Variants in PRDM5 observed in about 807,000 individuals in gnomAD.
The protein encoded by PRDM5 is PR domain zinc finger protein 5.
PRDM5 carries 56 observed loss-of-function variants against 81.2 expected under a neutral mutation model. The ratio of observed to expected loss-of-function variants is 0.69; its 90% CI spans 0.56 to 0.86. PRDM5 has a LOEUF of 0.86. PRDM5 is among the 40% of genes least tolerant of loss of function. The pLI, the probability that PRDM5 is intolerant of heterozygous loss-of-function variation, is 0.00. For missense variants in PRDM5, 697 were observed against 770.1 expected (o/e 0.91, Z 1.12); for synonymous variants, 267 against 256.4 (o/e 1.04, Z -0.39).
At chr4:120,723,692 T>C (rs1209197862) in intron 14 of PRDM5, among the ~76,000 whole-genome samples, 1 of 152,042 alleles carries the variant, frequency 6.6e-6, no homozygotes, top group Non-Finnish European at 1.5e-5. Flanking sequence ...AAAACATATA[T>C]ATACACACAC....
intron 15 of PRDM5, among the ~76,000 whole-genome samples, chr4:120,705,776 A>G (rs1339064208): frequency 6.6e-6 from 1 of 152,188 alleles, no homozygotes; most frequent in Non-Finnish European, 1.5e-5. Flanking sequence ...TCTGCATGAG[A>G]CTGTTGGGAG....
intron 14 of PRDM5, among the ~76,000 whole-genome samples, chr4:120,726,609 G>T (rs770041797): frequency 6.6e-6 from 1 of 152,110 alleles, no homozygotes; most frequent in Non-Finnish European, 1.5e-5. Flanking sequence ...AAGAAGATTC[G>T]ATTAACATAA....
At chr4:120,779,108 G>T (rs993672146) in intron 12 of PRDM5, among the ~76,000 whole-genome samples, 7 of 151,940 alleles carry the variant, frequency 4.6e-5, no homozygotes, top group Middle Eastern at 3.4e-3. Context: ...GACTGCCATT[G>T]GTTCCAAACT....
chr4:120,770,382 AG>A (rs892991302), intron 13 of PRDM5, among the ~76,000 whole-genome samples: 7 of 152,110 alleles, frequency 4.6e-5, no homozygotes, highest in African/African-American at 1.7e-4. Flanking sequence ...TTGGAAGAAT[AG>A]TACAGTGGAC....
chr4:120,766,178 T>A (rs1049481405), intron 13 of PRDM5, among the ~76,000 whole-genome samples: 3 of 152,166 alleles, frequency 2.0e-5, no homozygotes, highest in Non-Finnish European at 4.4e-5. Flanking sequence ...CAGACTGGTT[T>A]CGAACACCTG....
intron 15 of PRDM5, among the ~76,000 whole-genome samples, chr4:120,707,865 A>G (rs1268148310): frequency 1.3e-5 from 2 of 152,146 alleles, no homozygotes; most frequent in Non-Finnish European, 2.9e-5. Context: ...TTGAAGAAAC[A>G]TTTCTCCAGA....
chr4:120,761,594 T>A (rs1345092091), intron 13 of PRDM5, among the ~76,000 whole-genome samples: 1 of 152,190 alleles, frequency 6.6e-6, no homozygotes, highest in African/African-American at 2.4e-5. Context: ...TAGGATAACA[T>A]GAATCTTACT....
chr4:120,715,327 A>G (rs2149041689), intron 14 of PRDM5, among the ~76,000 whole-genome samples: 1 of 152,262 alleles, frequency 6.6e-6, no homozygotes, highest in South Asian at 2.1e-4. Flanking sequence ...TTTCCGGGAT[A>G]TGGAGTATCT....
intron 2 of PRDM5, among the ~76,000 whole-genome samples, chr4:120,890,239 T>G (rs1451083163): frequency 2.0e-5 from 3 of 152,140 alleles, no homozygotes; most frequent in Non-Finnish European, 2.9e-5. Context: ...GCACCTCACA[T>G]GGCCACAGCA....
chr4:120,813,183 AGTT>A (rs1177249805), intron 7 of PRDM5, among the ~76,000 whole-genome samples: 1 of 152,218 alleles, frequency 6.6e-6, no homozygotes, highest in Non-Finnish European at 1.5e-5. Flanking sequence ...CAAATTTCAC[AGTT>A]GTTATAGAAA....
At chr4:120,684,926 C>A (rs985554807) in exon 2 of PRDM5, 4 of 151,758 alleles carry the variant, frequency 2.6e-5, no homozygotes, top group Non-Finnish European at 5.9e-5. Flanking sequence ...TTACCTTTTT[C>A]TTCCCCCAAA....
At chr4:120,689,597 ATTC>A (rs1056513442), downstream of PRDM5, among the ~76,000 whole-genome samples, 1 of 147,894 alleles carries the variant, frequency 6.8e-6, no homozygotes, top group Non-Finnish European at 1.5e-5. Context: ...GATTTTCAAA[ATTC>A]TTTTTTTTTT....
At chr4:120,914,778 G>A (rs1247230162) in intron 1 of PRDM5, among the ~76,000 whole-genome samples, 2 of 152,032 alleles carry the variant, frequency 1.3e-5, no homozygotes, top group Non-Finnish European at 2.9e-5. Context: ...CCTATGAGTG[G>A]ATAAAAGAAA....
chr4:120,809,386 GT>G (rs1451165402), intron 8 of PRDM5, among the ~76,000 whole-genome samples: 2 of 150,692 alleles, frequency 1.3e-5, no homozygotes, highest in African/African-American at 4.9e-5. Flanking sequence ...AGAACTTAAA[GT>G]ATAATAAAAA....
At position 120,895,204 on chromosome 4, in the gene PRDM5, T is replaced by C. The variant is rs561967539; in HGVS notation, c.177+12270A>G. ...AGCAAAGCAAAGGGAGAAAATTTCT[T>C]CTTTCCCACAGTGCAGGTTGATGTG... On this transcript the variant is annotated intron_variant, in intron 2 of 15. Transcript: ENST00000264808. 3.9e-5 allele frequency among the ~76,000 whole-genome samples: 6 copies of C among 152,314 alleles called. No individual in the cohort carries two copies. The South Asian group carries it at 1.2e-3, about 32-fold the overall frequency.
chr4:120,889,490 T>C (rs1260776990), intron 2 of PRDM5, among the ~76,000 whole-genome samples: 2 of 152,154 alleles, frequency 1.3e-5, no homozygotes, highest in Non-Finnish European at 2.9e-5. Context: ...TTACATAAAT[T>C]ATAAAATCAA....
At chr4:120,813,134 T>C (rs1754067274) in intron 7 of PRDM5, 1 of 152,676 alleles carries the variant, frequency 6.5e-6, no homozygotes. Context: ...TCTGTCTTCT[T>C]ATGTAGTGAT....
chr4:120,921,540 A>G (rs1724913221), intron 1 of PRDM5, among the ~76,000 whole-genome samples: 1 of 152,158 alleles, frequency 6.6e-6, no homozygotes, highest in African/African-American at 2.4e-5. Flanking sequence ...TGCAGATGAA[A>G]GGCACCCTAG....
intron 1 of PRDM5, among the ~76,000 whole-genome samples, chr4:120,685,359 C>A (rs1733791458): frequency 6.7e-6 from 1 of 149,948 alleles, no homozygotes; most frequent in Non-Finnish European, 1.5e-5. Flanking sequence ...GATAAAATAT[C>A]TTCTTTTGAT....
Sources: allele counts gnomAD v4.1 joint callset (sites outside exome capture counted in the v4.1 genomes callset), GRCh38; gene constraint gnomAD v4.1.1; transcripts MANE v1.5; gene names NCBI Gene and HGNC (gene_info 2026-07-23, HGNC 2026-07-21).